VWF: variants seen among roughly 807,000 people sequenced by gnomAD.
VWF encodes the protein Factor VIII related antigen.
VWF carries 176 observed loss-of-function variants against 308.6 expected under a neutral mutation model. The observed-to-expected ratio is 0.57, with a 90% CI of 0.50 to 0.65. The LOEUF (loss-of-function observed/expected upper bound fraction) is 0.65. Ranked by LOEUF, VWF falls within the 30% of genes least tolerant of loss-of-function variation. The probability of loss-of-function intolerance (pLI) is 0.00; values close to 1 mark genes in which losing one functional copy is unlikely to be tolerated. For missense variants in VWF, 3,146 were observed against 3,648.2 expected, an observed-to-expected ratio of 0.86 and a Z score of 3.55; for synonymous variants, 1,385 against 1,443.4, an observed-to-expected ratio of 0.96 and a Z score of 0.92.
intron 20 of VWF, among the ~76,000 whole-genome samples, chr12:6,034,436 A>G (rs147076304): frequency 6.6e-5 from 10 of 152,280 alleles, no homozygotes; most frequent in East Asian, 5.8e-4. Context: ...TCCCACACCA[A>G]TCCTCAACAA....
chr12:5,977,315 G>A (rs1229796461), intron 42 of VWF, among the ~76,000 whole-genome samples: 1 of 152,182 alleles, frequency 6.6e-6, no homozygotes, highest in Admixed American at 6.5e-5. Flanking sequence ...ATAGCAAAAG[G>A]CTGAAGCAAC....
At chr12:5,993,508 A>G (rs1943767102) in intron 37 of VWF, among the ~76,000 whole-genome samples, 1 of 152,280 alleles carries the variant, frequency 6.6e-6, no homozygotes, top group Admixed American at 6.5e-5. Context: ...ACAGATGCCT[A>G]TATGTGTCTA....
chr12:6,078,148 C>T (rs575177348), intron 6 of VWF, among the ~76,000 whole-genome samples: 1 of 152,300 alleles, frequency 6.6e-6, no homozygotes, highest in Non-Finnish European at 1.5e-5. Flanking sequence ...GACAGAAGGA[C>T]ACCTTTCTCC....
intron 24 of VWF, 102 bp from the exon 25 acceptor site, chr12:6,023,889 G>A: frequency 7.3e-7 from 1 of 1,361,368 alleles, no homozygotes; most frequent in Admixed American, 2.0e-5. Flanking sequence ...TAAGGATAAG[G>A]GGGTCCAGGT....
intron 47 of VWF, among the ~76,000 whole-genome samples, chr12:5,966,026 G>A (rs748263413): frequency 3.9e-5 from 6 of 152,190 alleles, no homozygotes; most frequent in East Asian, 1.9e-4. Flanking sequence ...CTCCAGATAC[G>A]GAGGAAGCGG....
intron 18 of VWF, among the ~76,000 whole-genome samples, chr12:6,042,206 C>T (rs1455256349): frequency 6.6e-6 from 1 of 152,160 alleles, no homozygotes; most frequent in Non-Finnish European, 1.5e-5. Context: ...TTTCTGCCCC[C>T]CGCAGATCTG....
chr12:5,987,656 G>T (rs951987485), intron 38 of VWF, among the ~76,000 whole-genome samples: 1 of 152,226 alleles, frequency 6.6e-6, no homozygotes, highest in Non-Finnish European at 1.5e-5. Flanking sequence ...ATACCACCTA[G>T]CAATGAGAAG....
chr12:6,052,746 G>A lies in VWF; in HGVS notation c.1983C>T (p.Cys661=), dbSNP rs775943373. The stretch of plus-strand genomic sequence containing the variant: ...GGCAGGTCAGGTTGCAGGGGGTCCC[G>A]CACTGCAGGTACACCTGGCCTTTCG... ...NCPKGQVYLQ[C]GTPCNLTCRS... Residue 661 remains cysteine (C), a synonymous_variant, in exon 16 of 52, where the codon TGC becomes TGT. Coordinates refer to ENST00000261405, the MANE Select transcript of VWF (RefSeq NM_000552.5). 5.7e-5 allele frequency: 92 copies of A among 1,613,908 alleles called. No homozygotes were observed. The highest frequency in any genetic ancestry group is 4.9e-4 in the Middle Eastern group (3 of 6,082).
Position 6,021,996 on chromosome 12 carries a change from G to A in VWF, c.3578C>T (p.Pro1193Leu). The A allele has an allele frequency of 6.2e-7, 1 of 1,614,204 alleles. No homozygotes were observed. The highest frequency in any genetic ancestry group is 8.5e-7 in the Non-Finnish European group (1 of 1,180,044). ...LDELLQTCVD[P>L]EDCPVCEVAG... is the part of the protein sequence containing the mutation. ...CACCTCACACACTGGACAGTCTTCA[G>A]GGTCAACGCAGGTCTGCAAAAGCTC... The change falls in exon 27 of 52, where the codon CCT (proline) becomes CTT (leucine). Residue 1193 changes from proline (P) to leucine (L), a missense_variant. Pro to Leu is a moderately conservative substitution (Grantham distance 98, BLOSUM62 -3). Transcript: ENST00000261405.
chr12:5,991,214 C>T (rs1441357791), intron 38 of VWF, among the ~76,000 whole-genome samples: 1 of 150,788 alleles, frequency 6.6e-6, no homozygotes, highest in Non-Finnish European at 1.5e-5. Flanking sequence ...CACGCATGCA[C>T]ACACACGCTC....
intron 18 of VWF, 99 bp from the exon 19 acceptor site, chr12:6,036,590 C>T (rs893522352): frequency 8.7e-6 from 10 of 1,143,924 alleles, no homozygotes; most frequent in Middle Eastern, 1.9e-4. Context: ...CTTGAGCCTA[C>T]GGGTAAGCCC....
intron 19 of VWF, 63 bp downstream of exon 19, chr12:6,036,325 G>T: frequency 6.7e-7 from 1 of 1,484,092 alleles, no homozygotes; most frequent in Non-Finnish European, 9.4e-7. Context: ...TCCTGTGGCC[G>T]CGTGCACCCT....
chr12:6,096,738 G>A (rs375947676), intron 5 of VWF, among the ~76,000 whole-genome samples: 9 of 152,294 alleles, frequency 5.9e-5, no homozygotes, highest in South Asian at 4.1e-4. Context: ...TGAGGGCCTC[G>A]TGGACCTACA....
chr12:6,088,385 G>A (rs1026119397), intron 6 of VWF, among the ~76,000 whole-genome samples: 2 of 151,798 alleles, frequency 1.3e-5, no homozygotes, highest in African/African-American at 2.4e-5. Flanking sequence ...AGGCTGAGGC[G>A]GGAGAATGGC....
Position 6,071,326 on chromosome 12 carries a change from T to C in VWF, c.1127A>G (p.Gln376Arg), listed in dbSNP as rs1944778660. The C allele has an allele frequency of 6.2e-7, 1 of 1,614,066 alleles. No individual in the cohort carries two copies. The highest frequency in any genetic ancestry group is 8.5e-7 in the Non-Finnish European group (1 of 1,180,036). Residue 376 changes from glutamine (Q) to arginine (R), a missense_variant, in exon 10 of 52, where the codon CAG (glutamine) becomes CGG (arginine). By Grantham distance (43) the Gln-to-Arg change is conservative. This residue lies in a region of VWF where 1,304 missense variants were observed against 1,353.0 expected (regional missense o/e 0.96). Transcript: ENST00000261405. ...DCNTCICRNSQWICSNEECPG... is the reference protein window; with the variant it reads ...DCNTCICRNSRWICSNEECPG... ...ACATTCTTCATTGCTGCAGATCCAC[T>C]GGCTGTTTCGGCAAATGCTGTTGGA...
chr12:5,962,511 G>A (rs777325873), intron 47 of VWF, among the ~76,000 whole-genome samples: 1 of 149,000 alleles, frequency 6.7e-6, no homozygotes, highest in Non-Finnish European at 1.5e-5. Flanking sequence ...GGAGCCTAGC[G>A]ATTGGTCCAT....
intron 6 of VWF, among the ~76,000 whole-genome samples, chr12:6,089,075 C>T (rs10849381): frequency 0.64 from 96,357 of 151,358 alleles, 31,391 homozygotes; most frequent in East Asian, 0.78. Context: ...AAACACTCTG[C>T]CACCCCGAAC....
chr12:6,123,303 G>A lies in VWF; in HGVS notation c.1-107C>T, dbSNP rs1375968624. 9 of 1,328,988 alleles carry A rather than the reference G, an allele frequency of 6.8e-6. No individual in the cohort carries two copies. In the East Asian group the frequency reaches 7.0e-5, roughly 10 times the overall value. 82.3% of individuals were successfully genotyped at this position (1,328,988 alleles called of 1,614,324 possible). A position where few individuals can be genotyped will look rare whatever the true frequency, so the allele number is the denominator to read the frequency against. On this transcript the variant is annotated intron_variant, in intron 1 of 51. Coordinates refer to ENST00000261405, the MANE Select transcript of VWF (RefSeq NM_000552.5). Reference sequence around the variant, plus strand: ...TAGCAAAAACATTTCTTTAAAGCAGGAGAAAAGATTGATCCTCGTGACCCC... The same window carrying A: ...TAGCAAAAACATTTCTTTAAAGCAGAAGAAAAGATTGATCCTCGTGACCCC...
chr12:6,073,962 T>C (rs1283486908), intron 7 of VWF, among the ~76,000 whole-genome samples: 1 of 152,036 alleles, frequency 6.6e-6, no homozygotes, highest in Non-Finnish European at 1.5e-5. Flanking sequence ...CCAAGACCCA[T>C]CGGGGGCACC....
Sources: gnomAD v4.1 joint callset for allele counts (sites outside exome capture counted in the v4.1 genomes callset) on GRCh38, gnomAD v4.1.1 for gene constraint, gnomAD v4.1.1 regional missense constraint, MANE v1.5 for transcripts, NCBI Gene and HGNC (gene_info 2026-07-23, HGNC 2026-07-21) for gene names.